Variants in GLDC observed in about 807,000 individuals in gnomAD.
GLDC encodes the protein glycine dehydrogenase (decarboxylating), mitochondrial.
GLDC carries 104 observed loss-of-function variants against 121.3 expected under a neutral mutation model. The ratio of observed to expected loss-of-function variants is 0.86; its 90% CI spans 0.73 to 1.01. The LOEUF is 1.01. GLDC is among the 50% of genes least tolerant of loss of function. GLDC has a pLI of 0.00. For synonymous variants in GLDC, 546 were observed against 480.6 expected, an observed-to-expected ratio of 1.14 and a Z score of -1.78; for missense variants, 1,429 against 1,306.6, an observed-to-expected ratio of 1.09 and a Z score of -1.44.
chr9:6,614,264 T>G (rs1445443281), intron 3 of GLDC, among the ~76,000 whole-genome samples: 1 of 152,166 alleles, frequency 6.6e-6, no homozygotes, highest in Non-Finnish European at 1.5e-5. Flanking sequence ...AGACAGAGTC[T>G]TGCTCTGTCA....
chr9:6,554,452 G>C (rs1048391238), intron 19 of GLDC, among the ~76,000 whole-genome samples: 1 of 152,202 alleles, frequency 6.6e-6, no homozygotes. Flanking sequence ...AGCTCAGTGA[G>C]GCCAGATGCT....
At chr9:6,537,647 G>A (rs140321195) in intron 22 of GLDC, among the ~76,000 whole-genome samples, 9 of 152,248 alleles carry the variant, frequency 5.9e-5, no homozygotes, top group African/African-American at 2.2e-4. Flanking sequence ...TGGGTGTGGT[G>A]GTATGTGCCT....
intron 4 of GLDC, 23 bp downstream of exon 4, chr9:6,610,169 C>T (rs1233788352): frequency 8.2e-6 from 13 of 1,588,496 alleles, no homozygotes; most frequent in Non-Finnish European, 1.1e-5. Flanking sequence ...ACTGGAATTC[C>T]AGCACTTTGA....
intron 8 of GLDC, among the ~76,000 whole-genome samples, chr9:6,600,071 G>A (rs117712249): frequency 0.01 from 1,563 of 152,208 alleles, 41 homozygotes; most frequent in Admixed American, 0.045. Flanking sequence ...TCATGGAAGA[G>A]ATGCAATTAC....
chr9:6,589,221 C>G lies in GLDC; in HGVS notation c.1554G>C (p.Pro518=), dbSNP rs377219563. The G allele has an allele frequency of 5.2e-5, 83 of 1,605,300 alleles. No individual in the cohort carries two copies. The highest frequency in any genetic ancestry group is 1.0e-4 in the Admixed American group (6 of 59,970). The part of the protein sequence containing the change: ...IPGSVFKRTS[P]FLTHQVFNSY... ...TGTTGAACACTTGATGGGTGAGGAA[C>G]GGGCTGGTCCTCTTGAACACAGACC... is the stretch of plus-strand genomic sequence containing the variant. Residue 518 remains proline (P), a synonymous_variant, in exon 12 of 25, where the codon CCG becomes CCC. Coordinates refer to ENST00000321612, the MANE Select transcript of GLDC (RefSeq NM_000170.3).
rs1343870872 is a variant in GLDC, at chr9:6,620,083, G to A, written c.470+101C>T. ...CATTGGAGACAGCACTAGGAGGTGG[G>A]TGTCAGTGTGGAGGCTCTGAGACTG... On this transcript the variant is annotated intron_variant, in intron 3 of 24. Coordinates refer to ENST00000321612, the MANE Select transcript of GLDC (RefSeq NM_000170.3). 9.9e-6 allele frequency: 11 copies of A among 1,105,812 alleles called. No homozygotes were observed. The East Asian group carries it at 2.3e-4, about 24-fold the overall frequency. The allele number at this position is 1,105,812 out of a possible 1,614,324, so 68.5% of individuals were successfully genotyped here.
intron 17 of GLDC, among the ~76,000 whole-genome samples, chr9:6,556,669 T>C (rs1175008556): frequency 6.6e-6 from 1 of 152,010 alleles, no homozygotes; most frequent in Non-Finnish European, 1.5e-5. Flanking sequence ...GGCAGGTGCC[T>C]GTAATCCCAG....
rs114002902 is a variant in GLDC at position 6,569,752 on chromosome 9, G to A, written c.1851-4323C>T. ...GCACGTTGGGAGGCCGAGGCGAGCG[G>A]ATTACCTGCAGTTAGAAGATCGAGA... On this transcript the variant is annotated intron_variant, in intron 15 of 24. Coordinates refer to ENST00000321612, the MANE Select transcript of GLDC (RefSeq NM_000170.3). Among the ~76,000 whole-genome samples, 680 of 152,034 alleles carry A rather than the reference G, an allele frequency of 4.5e-3. 7 individuals carry two copies. The highest frequency in any genetic ancestry group is 0.016 in the African/African-American group (657 of 41,420).
chr9:6,639,045 C>T, intron 2 of GLDC: 1 of 606,188 alleles, frequency 1.6e-6, no homozygotes, highest in South Asian at 1.8e-5. Flanking sequence ...GAGTGTCTTT[C>T]AATAGTAGTC....
At chr9:6,573,359 G>A (rs1447507709) in intron 15 of GLDC, among the ~76,000 whole-genome samples, 1 of 152,216 alleles carries the variant, frequency 6.6e-6, no homozygotes, top group Non-Finnish European at 1.5e-5. Flanking sequence ...TACTTGGGAA[G>A]CTGAGACACA....
intron 23 of GLDC, among the ~76,000 whole-genome samples, chr9:6,535,514 C>T (rs1817107796): frequency 6.6e-6 from 1 of 152,030 alleles, no homozygotes; most frequent in African/African-American, 2.4e-5. Context: ...CATGAAGACA[C>T]AACCACAGCC....
chr9:6,548,907 A>C (rs1404265754), intron 21 of GLDC, among the ~76,000 whole-genome samples: 1 of 152,156 alleles, frequency 6.6e-6, no homozygotes, highest in African/African-American at 2.4e-5. Context: ...TAAAAAGAAA[A>C]TATAACTACA....
chr9:6,559,730 G>A (rs547442417), intron 16 of GLDC, among the ~76,000 whole-genome samples: 5 of 151,374 alleles, frequency 3.3e-5, no homozygotes, highest in East Asian at 1.9e-4. Context: ...CAGAAGATTC[G>A]CTTGAATCCG....
At chr9:6,553,024 GC>G (rs1450464358) in intron 20 of GLDC, among the ~76,000 whole-genome samples, 1 of 152,118 alleles carries the variant, frequency 6.6e-6, no homozygotes, top group Non-Finnish European at 1.5e-5. Flanking sequence ...CTCGGAAGGG[GC>G]TATATAAATC....
intron 8 of GLDC, among the ~76,000 whole-genome samples, chr9:6,599,479 T>G (rs1009980942): frequency 6.6e-6 from 1 of 151,840 alleles, no homozygotes; most frequent in Non-Finnish European, 1.5e-5. Flanking sequence ...TCCCAGCACT[T>G]TGGGAGGCCG....
chr9:6,593,761 T>C (rs1269756038), intron 9 of GLDC, among the ~76,000 whole-genome samples: 5 of 151,538 alleles, frequency 3.3e-5, no homozygotes, highest in Non-Finnish European at 7.4e-5. Flanking sequence ...GGAGCAATCT[T>C]GGCACACTGC....
chr9:6,630,218 G>A (rs1164942568), intron 2 of GLDC, among the ~76,000 whole-genome samples: 1 of 151,842 alleles, frequency 6.6e-6, no homozygotes, highest in South Asian at 2.1e-4. Flanking sequence ...GCAGTGAGCC[G>A]AGATCGTGCC....
intron 2 of GLDC, among the ~76,000 whole-genome samples, chr9:6,636,171 G>T (rs565985522): frequency 2.0e-3 from 308 of 152,242 alleles, no homozygotes; most frequent in African/African-American, 7.1e-3. Flanking sequence ...AGGCGTGATA[G>T]TTCATGCCTG....
chr9:6,551,996 T>G (rs1817524952), intron 20 of GLDC, among the ~76,000 whole-genome samples: 1 of 152,176 alleles, frequency 6.6e-6, no homozygotes, highest in African/African-American at 2.4e-5. Flanking sequence ...GGCCTAGGCA[T>G]GTGCATTCTG....
Sources: gnomAD v4.1 joint callset for allele counts (sites outside exome capture counted in the v4.1 genomes callset) on GRCh38, gnomAD v4.1.1 for gene constraint, MANE v1.5 for transcripts, NCBI Gene and HGNC (gene_info 2026-07-23, HGNC 2026-07-21) for gene names.